The following LRCH3 variants were observed in gnomAD, a reference collection of about 807,000 sequenced individuals.
The protein encoded by LRCH3 is DISP complex protein LRCH3.
LRCH3 carries 68 observed loss-of-function variants against 104.5 expected under a neutral mutation model. The observed-to-expected ratio is 0.65, with a 90% CI of 0.54 to 0.80. The LOEUF (loss-of-function observed/expected upper bound fraction) is 0.80, where lower values mean the gene tolerates loss of function less well. Ranked by LOEUF, LRCH3 falls within the 30% of genes least tolerant of loss-of-function variation. The pLI, the probability that LRCH3 is intolerant of heterozygous loss-of-function variation, is 0.00. For missense variants in LRCH3, 951 were observed against 953.9 expected, an observed-to-expected ratio of 1.00 and a Z score of 0.04; for synonymous variants, 344 against 361.3, an observed-to-expected ratio of 0.95 and a Z score of 0.54.
intron 17 of LRCH3, among the ~76,000 whole-genome samples, chr3:197,869,254 A>G (rs58641309): frequency 5.7e-3 from 557 of 98,192 alleles, no homozygotes; most frequent in Middle Eastern, 0.034. Flanking sequence ...AGAAAGCGAT[A>G]CACTGTACCT....
intron 8 of LRCH3, 21 bp downstream of exon 8, chr3:197,832,338 A>C: frequency 6.2e-7 from 1 of 1,608,806 alleles, no homozygotes; most frequent in South Asian, 1.1e-5. Context: ...TTCCGGTGAC[A>C]GCTAAAGTGT....
At chr3:197,798,929 A>G (rs368753626) in intron 1 of LRCH3, among the ~76,000 whole-genome samples, 25 of 151,958 alleles carry the variant, frequency 1.6e-4, no homozygotes, top group African/African-American at 5.8e-4. Flanking sequence ...CCTTGGACCA[A>G]CCTCCTCTCT....
At chr3:197,793,095 G>A (rs899002768) in intron 1 of LRCH3, among the ~76,000 whole-genome samples, 1 of 152,096 alleles carries the variant, frequency 6.6e-6, no homozygotes, top group Non-Finnish European at 1.5e-5. Flanking sequence ...GGCAGTACTT[G>A]GTGTCTTATT....
chr3:197,866,266 C>A, intron 17 of LRCH3, 47 bp downstream of exon 17: 1 of 1,307,628 alleles, frequency 7.6e-7, no homozygotes, highest in Non-Finnish European at 1.1e-6. Context: ...GAGGTTTACA[C>A]AACGACGCTA....
At chr3:197,794,822 T>C (rs7649988) in intron 1 of LRCH3, among the ~76,000 whole-genome samples, 7,009 of 152,116 alleles carry the variant, frequency 0.046, 299 homozygotes, top group African/African-American at 0.11. Flanking sequence ...TTGGCTAACA[T>C]GGTGAAACCC....
At chr3:197,793,163 A>G (rs939880527) in intron 1 of LRCH3, among the ~76,000 whole-genome samples, 2 of 152,254 alleles carry the variant, frequency 1.3e-5, no homozygotes, top group East Asian at 1.9e-4. Context: ...TTAAAAATTT[A>G]TAAGTATTAC....
chr3:197,871,545 C>G, intron 19 of LRCH3, 83 bp downstream of exon 19: 1 of 1,565,210 alleles, frequency 6.4e-7, no homozygotes, highest in East Asian at 2.3e-5. Flanking sequence ...AAGCATTGTG[C>G]TAGATATTAA....
chr3:197,848,553 GCTTAT>G, intron 12 of LRCH3: 1 of 152,478 alleles, frequency 6.6e-6, no homozygotes, highest in Middle Eastern at 3.4e-3. Flanking sequence ...TACCTGTATT[GCTTAT>G]CTTTTTGTTC....
At chr3:197,844,486 G>C (rs1039528144) in intron 10 of LRCH3, among the ~76,000 whole-genome samples, 1 of 152,052 alleles carries the variant, frequency 6.6e-6, no homozygotes. Context: ...TTGATCTCCT[G>C]GACTCAAGAT....
intron 14 of LRCH3, 26 bp from the exon 15 acceptor site, chr3:197,858,808 T>C: frequency 6.3e-7 from 1 of 1,596,240 alleles, no homozygotes; most frequent in Non-Finnish European, 8.6e-7. Context: ...GCCTTCTGTT[T>C]CTTCTCTTTC....
At chr3:197,879,516 G>C (rs186968302) in intron 20 of LRCH3, among the ~76,000 whole-genome samples, 14,234 of 147,328 alleles carry the variant, frequency 0.097, 1,542 homozygotes, top group African/African-American at 0.25. Flanking sequence ...CGTGGTGGCG[G>C]GCGCCTGTAG....
At chr3:197,867,790 G>A (rs1711527811) in intron 17 of LRCH3, among the ~76,000 whole-genome samples, 1 of 152,126 alleles carries the variant, frequency 6.6e-6, no homozygotes, top group Non-Finnish European at 1.5e-5. Flanking sequence ...GGGAGGCAGA[G>A]CTTGCAGTGA....
chr3:197,820,178 GTAGGT>G (rs1410315050), intron 3 of LRCH3, 142 bp from the exon 4 acceptor site: 1 of 635,040 alleles, frequency 1.6e-6, no homozygotes, highest in Non-Finnish European at 2.8e-6. Flanking sequence ...CTTCGAACCT[GTAGGT>G]AGTCTCTTTT....
rs776047030 is a variant in LRCH3 at position 197,826,972 on chromosome 3, G to A, written c.735G>A (p.Thr245=). ...VCYRNLRHLQ[T]ITLDNNPLQS... ...ATCGGAACCTCAGGCACCTACAGACGATCACCCTAGATAACAATCCACTAC... is the reference window on the plus strand; with the variant it reads ...ATCGGAACCTCAGGCACCTACAGACAATCACCCTAGATAACAATCCACTAC... Residue 245 remains threonine (T), a synonymous_variant, in exon 5 of 21, where the codon ACG becomes ACA. Coordinates refer to ENST00000425562, the MANE Select transcript of LRCH3 (RefSeq NM_001365715.1). The A allele has an allele frequency of 6.8e-6, 11 of 1,613,692 alleles. No homozygotes were observed. In the South Asian group the frequency reaches 7.7e-5, roughly 11 times the overall value.
intron 4 of LRCH3, chr3:197,823,274 G>A (rs777084102): frequency 6.8e-6 from 1 of 146,590 alleles, no homozygotes; most frequent in Non-Finnish European, 1.5e-5. Flanking sequence ...GGCCTTTTTT[G>A]TATTTTTAGT....
chr3:197,835,101 A>G (rs1485721112), intron 8 of LRCH3, among the ~76,000 whole-genome samples: 6 of 152,166 alleles, frequency 3.9e-5, no homozygotes, highest in African/African-American at 1.4e-4. Flanking sequence ...CCAAGATTGC[A>G]CCACTGCACT....
At chr3:197,818,070 C>G (rs1364181475) in intron 3 of LRCH3, among the ~76,000 whole-genome samples, 4 of 152,160 alleles carry the variant, frequency 2.6e-5, no homozygotes, top group Non-Finnish European at 5.9e-5. Context: ...ATCTGCCCAC[C>G]TCGGCCTCCC....
chr3:197,798,108 A>C (rs941538562), intron 1 of LRCH3, among the ~76,000 whole-genome samples: 4 of 152,154 alleles, frequency 2.6e-5, no homozygotes, highest in African/African-American at 9.6e-5. Flanking sequence ...AAAAAATACA[A>C]AAATTAGACA....
At chr3:197,802,163 T>C (rs893722031) in intron 1 of LRCH3, among the ~76,000 whole-genome samples, 4 of 152,254 alleles carry the variant, frequency 2.6e-5, no homozygotes, top group African/African-American at 9.6e-5. Flanking sequence ...TTTTGATTAA[T>C]TCTAAAGTCA....
Sources: gnomAD v4.1 joint callset for allele counts (sites outside exome capture counted in the v4.1 genomes callset) on GRCh38, gnomAD v4.1.1 for gene constraint, MANE v1.5 for transcripts, NCBI Gene and HGNC (gene_info 2026-07-23, HGNC 2026-07-21) for gene names.